TCF12: variants seen among roughly 807,000 people sequenced by gnomAD.
TCF12 encodes DNA-binding protein HTF4.
In TCF12, 45 loss-of-function variants were observed where a neutral mutation model predicts 86.0. That is an observed-to-expected ratio of 0.52 (90% CI 0.41 to 0.67). The LOEUF (loss-of-function observed/expected upper bound fraction) is 0.67. TCF12 is among the 30% of genes least tolerant of loss of function. TCF12 has a pLI of 0.00. For synonymous variants in TCF12, 330 were observed against 299.6 expected (o/e 1.10, Z -1.05); for missense variants, 881 against 859.9 (o/e 1.02, Z -0.31).
intron 3 of TCF12, among the ~76,000 whole-genome samples, chr15:57,043,900 A>G (rs1819045467): frequency 6.6e-6 from 1 of 152,120 alleles, no homozygotes; most frequent in Non-Finnish European, 1.5e-5. Flanking sequence ...AGTTCCCTTC[A>G]GTTTTCCCCG....
chr15:56,944,901 C>T (rs574865410), intron 3 of TCF12, among the ~76,000 whole-genome samples: 3 of 152,208 alleles, frequency 2.0e-5, no homozygotes, highest in Non-Finnish European at 2.9e-5. Context: ...ATTACCTTGT[C>T]GATTTCTATT....
In TCF12 at chr15:56,990,984, T is replaced by TG. The variant is rs536302740; in HGVS notation, c.148+69890dup. The stretch of plus-strand genomic sequence containing the variant: ...TAATCCTTAAATTTTTTTGTAGAGA[T>TG]GGGGTCTCACCATGTTGCCCAGGCT... On this transcript the variant is annotated intron_variant, in intron 3 of 20. Coordinates refer to ENST00000333725, the MANE Select transcript of TCF12 (RefSeq NM_207037.2). Among the ~76,000 whole-genome samples, 539 of 152,112 alleles carry TG rather than the reference T, an allele frequency of 3.5e-3. 4 individuals carry two copies. Among genetic ancestry groups the TG allele is most frequent in the African/African-American group, 0.012 (513 of 41,502 alleles).
At chr15:57,024,851 G>A (rs1051415821) in intron 3 of TCF12, among the ~76,000 whole-genome samples, 2 of 152,148 alleles carry the variant, frequency 1.3e-5, no homozygotes, top group Non-Finnish European at 2.9e-5. Flanking sequence ...GTAGGTAAGG[G>A]AGAGGAACGA....
intron 3 of TCF12, among the ~76,000 whole-genome samples, chr15:57,048,475 A>T (rs1004525990): frequency 6.6e-6 from 1 of 151,970 alleles, no homozygotes; most frequent in African/African-American, 2.4e-5. Flanking sequence ...GTTTCCCAGG[A>T]TGGTCTCCAT....
chr15:57,098,009 C>CAAAAAAAAAAAAAAAAA (rs72046243), intron 5 of TCF12, among the ~76,000 whole-genome samples: 3 of 48,406 alleles, frequency 6.2e-5, no homozygotes, highest in Non-Finnish European at 7.1e-5. Flanking sequence ...TACAAAAATA[C>CAAAAAAAAAAAAAAAAA]AAAAAAAAAA....
intron 3 of TCF12, among the ~76,000 whole-genome samples, chr15:57,013,395 C>T (rs1286137585): frequency 6.6e-6 from 1 of 152,204 alleles, no homozygotes; most frequent in East Asian, 1.9e-4. Context: ...ACTGCAACCT[C>T]CACTTCCCAG....
chr15:57,226,477 G>T (rs945385891), intron 8 of TCF12, among the ~76,000 whole-genome samples: 5 of 152,022 alleles, frequency 3.3e-5, no homozygotes, highest in Non-Finnish European at 7.4e-5. Flanking sequence ...CCACATTAGC[G>T]TGTGTTAAAG....
At chr15:56,948,839 C>A (rs1471232131) in intron 3 of TCF12, among the ~76,000 whole-genome samples, 2 of 152,052 alleles carry the variant, frequency 1.3e-5, no homozygotes, top group Admixed American at 1.3e-4. Flanking sequence ...GAAGAAAATG[C>A]TTACTGTTTT....
At chr15:56,991,779 T>C (rs1410018713) in intron 3 of TCF12, among the ~76,000 whole-genome samples, 7 of 149,590 alleles carry the variant, frequency 4.7e-5, no homozygotes, top group Non-Finnish European at 8.9e-5. Flanking sequence ...AAGTTAAATC[T>C]CAATTATAGT....
intron 6 of TCF12, among the ~76,000 whole-genome samples, chr15:57,167,549 A>C (rs1938576212): frequency 6.6e-6 from 1 of 151,782 alleles, no homozygotes; most frequent in Non-Finnish European, 1.5e-5. Context: ...TGACAGTAAG[A>C]CTCTGTCTCA....
At chr15:57,217,203 G>A (rs2151845234) in intron 8 of TCF12, among the ~76,000 whole-genome samples, 1 of 152,104 alleles carries the variant, frequency 6.6e-6, no homozygotes, top group Non-Finnish European at 1.5e-5. Flanking sequence ...TTCACATTCA[G>A]GTTTCATGTT....
intron 3 of TCF12, among the ~76,000 whole-genome samples, chr15:57,027,258 C>G: frequency 6.6e-6 from 1 of 152,202 alleles, no homozygotes; most frequent in East Asian, 1.9e-4. Flanking sequence ...AACGGGTCAT[C>G]AGATTTCTGT....
chr15:57,119,120 G>A (rs554857886), intron 5 of TCF12, among the ~76,000 whole-genome samples: 1 of 151,990 alleles, frequency 6.6e-6, no homozygotes, highest in East Asian at 1.9e-4. Flanking sequence ...TTGTGACGGA[G>A]TCTCACTCTT....
At chr15:57,119,270 GT>G (rs1392685463) in intron 5 of TCF12, among the ~76,000 whole-genome samples, 1 of 151,358 alleles carries the variant, frequency 6.6e-6, no homozygotes, top group African/African-American at 2.4e-5. Context: ...TGGTGGTTTT[GT>G]TTTTTTGTTT....
chr15:56,923,948 G>A (rs1434716020), intron 3 of TCF12, among the ~76,000 whole-genome samples: 1 of 151,920 alleles, frequency 6.6e-6, no homozygotes, highest in Non-Finnish European at 1.5e-5. Context: ...AGAGATAATT[G>A]TAGGAAGTAT....
chr15:57,075,848 TTTCTTTCTTTCTTTC>T, intron 4 of TCF12, among the ~76,000 whole-genome samples: 1 of 104,584 alleles, frequency 9.6e-6, no homozygotes, highest in African/African-American at 3.3e-5. Flanking sequence ...TCTTTCTTTC[TTTCTTTCTTTCTTTC>T]CATTCTTTTT....
At chr15:57,016,137 A>T (rs1259013941) in intron 3 of TCF12, among the ~76,000 whole-genome samples, 2 of 152,120 alleles carry the variant, frequency 1.3e-5, no homozygotes, top group African/African-American at 2.4e-5. Context: ...TCCGGTTAGG[A>T]TAGGTATTAT....
chr15:57,093,244 A>G (rs1163972644), intron 5 of TCF12, among the ~76,000 whole-genome samples: 1 of 152,190 alleles, frequency 6.6e-6, no homozygotes, highest in Non-Finnish European at 1.5e-5. Context: ...TTATTTTTTA[A>G]ATTTTCAATT....
intron 13 of TCF12, among the ~76,000 whole-genome samples, chr15:57,248,787 A>G (rs2059977452): frequency 6.6e-6 from 1 of 152,192 alleles, no homozygotes; most frequent in Admixed American, 6.5e-5. Context: ...TTGAAGATAG[A>G]CCTTTGTACA....
Sources: allele counts gnomAD v4.1 joint callset (sites outside exome capture counted in the v4.1 genomes callset), GRCh38; gene constraint gnomAD v4.1.1; transcripts MANE v1.5; gene names NCBI Gene and HGNC (gene_info 2026-07-23, HGNC 2026-07-21).